Variants in ARHGAP26 observed in about 807,000 individuals in gnomAD.
The protein encoded by ARHGAP26 is rho GTPase-activating protein 26.
A neutral mutation model predicts 104.8 loss-of-function variants in ARHGAP26; 38 were observed. The observed-to-expected ratio is 0.36, with a 90% CI of 0.28 to 0.48. The LOEUF is 0.48. ARHGAP26 is among the 20% of genes least tolerant of loss of function. The pLI is 0.99. For synonymous variants in ARHGAP26, 341 were observed against 340.0 expected, an observed-to-expected ratio of 1.00 and a Z score of -0.03; for missense variants, 704 against 947.9, an observed-to-expected ratio of 0.74 and a Z score of 3.38.
chr5:143,061,023 T>A (rs751584371), intron 17 of ARHGAP26, among the ~76,000 whole-genome samples: 7 of 152,250 alleles, frequency 4.6e-5, no homozygotes, highest in Non-Finnish European at 7.3e-5. Context: ...TCTTTGCAAT[T>A]TGACTTTGTG....
In ARHGAP26 at chr5:143,182,558, G is replaced by T. The variant is rs573067139; in HGVS notation, c.1989-24640G>T. 1.2e-4 allele frequency among the ~76,000 whole-genome samples: 19 copies of T among 152,254 alleles called. No individual in the cohort carries two copies. In the East Asian group the frequency reaches 3.3e-3, roughly 26 times the overall value. ...TAGTTTAAAAAAACAATAAAACTTG[G>T]TTTGTTGATAAGCTATGAACTCCTT... On this transcript the variant is annotated intron_variant, in intron 20 of 22. Transcript: ENST00000645722.
intron 12 of ARHGAP26, among the ~76,000 whole-genome samples, chr5:143,014,718 C>T (rs888947041): frequency 6.6e-5 from 10 of 152,132 alleles, no homozygotes; most frequent in African/African-American, 1.9e-4. Context: ...ATCATGATTT[C>T]CAAGGGTACC....
At chr5:142,841,268 A>C (rs905812784) in intron 1 of ARHGAP26, among the ~76,000 whole-genome samples, 3 of 152,212 alleles carry the variant, frequency 2.0e-5, no homozygotes, top group Admixed American at 2.0e-4. Flanking sequence ...AAAGAAACAA[A>C]TCCTGGGTGA....
chr5:142,915,296 C>G (rs915003033), intron 10 of ARHGAP26, among the ~76,000 whole-genome samples: 11 of 151,894 alleles, frequency 7.2e-5, no homozygotes, highest in African/African-American at 2.4e-4. Flanking sequence ...CCCTGGTTCC[C>G]TCTGCATGGC....
chr5:143,102,547 C>T (rs562994654), intron 17 of ARHGAP26, among the ~76,000 whole-genome samples: 64 of 152,314 alleles, frequency 4.2e-4, no homozygotes, highest in African/African-American at 1.3e-3. Context: ...GGACCCATGC[C>T]GGTCACACAA....
At chr5:143,200,597 CA>C (rs151051681) in intron 20 of ARHGAP26, among the ~76,000 whole-genome samples, 4 of 151,456 alleles carry the variant, frequency 2.6e-5, no homozygotes, top group Non-Finnish European at 5.9e-5. Flanking sequence ...TATAATTCTC[CA>C]AAAAAAAGCG....
At chr5:143,094,163 C>A (rs1192178941) in intron 17 of ARHGAP26, among the ~76,000 whole-genome samples, 1 of 152,218 alleles carries the variant, frequency 6.6e-6, no homozygotes, top group East Asian at 1.9e-4. Context: ...ACCGCCCCTG[C>A]GGTTTCTTTC....
chr5:142,970,603 A>G (rs1049034985), intron 11 of ARHGAP26, among the ~76,000 whole-genome samples: 3 of 152,146 alleles, frequency 2.0e-5, no homozygotes, highest in Admixed American at 6.5e-5. Context: ...TCCTAAGCCA[A>G]TCATTGGGGC....
chr5:142,885,215 C>A, intron 4 of ARHGAP26, 83 bp from the exon 5 acceptor site: 1 of 1,140,634 alleles, frequency 8.8e-7, no homozygotes, highest in Non-Finnish European at 1.3e-6. Flanking sequence ...GTGTTCTGAG[C>A]AGAAGGATCT....
At chr5:142,814,378 C>T (rs140099120) in intron 1 of ARHGAP26, among the ~76,000 whole-genome samples, 5 of 152,308 alleles carry the variant, frequency 3.3e-5, no homozygotes, top group Admixed American at 6.5e-5. Flanking sequence ...GGAGATTCAT[C>T]GGTTTCCAAT....
chr5:142,920,297 T>C (rs1763035200), intron 10 of ARHGAP26, among the ~76,000 whole-genome samples: 2 of 152,196 alleles, frequency 1.3e-5, no homozygotes, highest in Admixed American at 6.6e-5. Context: ...ATTCACTCCG[T>C]CATGCAGTGT....
chr5:143,041,822 A>C lies in ARHGAP26; in HGVS notation c.1217A>C (p.Asn406Thr). The C allele has an allele frequency of 1.9e-6, 3 of 1,607,148 alleles. No individual in the cohort carries two copies. The highest frequency in any genetic ancestry group is 2.5e-6 in the Non-Finnish European group (3 of 1,176,498). ...TCACTGTTTCTTTCCTCAGGGATCA[A>C]CGAGCAAGGGCTGTATCGAATTGTG... ...CIHAVETRGI[N>T]EQGLYRIVGV... The change falls in exon 14 of 23, where the codon AAC becomes ACC. Residue 406 changes from asparagine (N) to threonine (T), a missense_variant. This residue lies in a region of ARHGAP26 where 287 missense variants were observed against 438.8 expected (regional missense o/e 0.65). Coordinates refer to ENST00000645722, the MANE Select transcript of ARHGAP26 (RefSeq NM_001135608.3).
chr5:143,058,776 A>G (rs533240447), intron 17 of ARHGAP26, among the ~76,000 whole-genome samples: 1 of 152,372 alleles, frequency 6.6e-6, no homozygotes, highest in South Asian at 2.1e-4. Context: ...AGAGTGATAT[A>G]TATCATGAAG....
chr5:142,906,517 T>C (rs1315209669), intron 8 of ARHGAP26, among the ~76,000 whole-genome samples: 1 of 152,232 alleles, frequency 6.6e-6, no homozygotes, highest in Non-Finnish European at 1.5e-5. Context: ...CTTCCTACTG[T>C]CTATCCATCC....
At chr5:142,916,450 C>A (rs959519746) in intron 10 of ARHGAP26, among the ~76,000 whole-genome samples, 8 of 152,166 alleles carry the variant, frequency 5.3e-5, no homozygotes, top group Non-Finnish European at 1.0e-4. Flanking sequence ...CCACACAGTT[C>A]GACTTTCTGG....
At chr5:142,913,963 A>C (rs1389627448) in intron 10 of ARHGAP26, among the ~76,000 whole-genome samples, 1 of 152,218 alleles carries the variant, frequency 6.6e-6, no homozygotes, top group Non-Finnish European at 1.5e-5. Context: ...AATTTTTTCA[A>C]TGAAACCCAC....
chr5:143,136,066 A>G (rs1444644896), intron 19 of ARHGAP26, among the ~76,000 whole-genome samples: 1 of 152,200 alleles, frequency 6.6e-6, no homozygotes, highest in Non-Finnish European at 1.5e-5. Context: ...TACGGTGTAG[A>G]TTAGGAGAGG....
chr5:142,778,143 A>G (rs1443864856), intron 1 of ARHGAP26, among the ~76,000 whole-genome samples: 2 of 152,234 alleles, frequency 1.3e-5, no homozygotes, highest in African/African-American at 4.8e-5. Flanking sequence ...GCTATGAGAG[A>G]AAAGAAAGAA....
At chr5:143,095,082 C>CTT (rs1792106089) in intron 17 of ARHGAP26, among the ~76,000 whole-genome samples, 1 of 151,580 alleles carries the variant, frequency 6.6e-6, no homozygotes, top group African/African-American at 2.4e-5. Flanking sequence ...GGACTTTTGA[C>CTT]TTATGGGTTC....
Sources: gnomAD v4.1 joint callset for allele counts (sites outside exome capture counted in the v4.1 genomes callset) on GRCh38, gnomAD v4.1.1 for gene constraint, gnomAD v4.1.1 regional missense constraint, MANE v1.5 for transcripts, NCBI Gene and HGNC (gene_info 2026-07-23, HGNC 2026-07-21) for gene names.